IL1RL2: variants seen among roughly 807,000 people sequenced by gnomAD.
The protein encoded by IL1RL2 is interleukin 1 receptor like 2.
IL1RL2 carries 68 observed loss-of-function variants against 66.8 expected under a neutral mutation model. That is an observed-to-expected ratio of 1.02 (90% CI 0.84 to 1.25). IL1RL2 has a LOEUF of 1.25. Among genes scored for constraint, IL1RL2 ranks in the 50% most tolerant of loss-of-function variants. The pLI is 0.00. For synonymous variants in IL1RL2, 305 were observed against 264.6 expected (o/e 1.15, Z -1.48); for missense variants, 729 against 709.3 (o/e 1.03, Z -0.32).
chr2:102,193,825 C>G (rs1314929704), intron 4 of IL1RL2, among the ~76,000 whole-genome samples: 4 of 151,982 alleles, frequency 2.6e-5, no homozygotes, highest in Admixed American at 2.6e-4. Flanking sequence ...TTTCTGGATC[C>G]TCTTCTGAAC....
intron 5 of IL1RL2, among the ~76,000 whole-genome samples, chr2:102,211,872 A>G (rs1689197552): frequency 6.6e-6 from 1 of 152,204 alleles, no homozygotes; most frequent in South Asian, 2.1e-4. Context: ...GGTTTATACC[A>G]AAATATGGCC....
intron 8 of IL1RL2, among the ~76,000 whole-genome samples, chr2:102,221,900 G>A (rs1035676495): frequency 6.6e-5 from 10 of 152,208 alleles, no homozygotes; most frequent in African/African-American, 2.2e-4. Context: ...ATATGGTAAA[G>A]GAACACAGAA....
chr2:102,197,211 C>T (rs1432195027), intron 4 of IL1RL2, among the ~76,000 whole-genome samples: 1 of 152,136 alleles, frequency 6.6e-6, no homozygotes, highest in Non-Finnish European at 1.5e-5. Flanking sequence ...ATGTGATTAT[C>T]TCCTATAGTG....
intron 9 of IL1RL2, among the ~76,000 whole-genome samples, chr2:102,229,296 A>G (rs1032606765): frequency 2.6e-5 from 4 of 152,260 alleles, no homozygotes; most frequent in Non-Finnish European, 4.4e-5. Flanking sequence ...CTGGAAGAAC[A>G]TGTGGGACTG....
rs1276550424 is a variant in IL1RL2, at chr2:102,239,592, A to G, written c.*351A>G. 2 of 256,388 alleles carry G rather than the reference A, an allele frequency of 7.8e-6. No homozygotes were observed. The highest frequency in any genetic ancestry group is 7.5e-5 in the East Asian group (1 of 13,278). The allele number at this position is 256,388 out of a possible 1,614,324, so 15.9% of individuals were successfully genotyped here. A position where few individuals can be genotyped will look rare whatever the true frequency, so the allele number is the denominator to read the frequency against. ...TGAGATCTGGGGGTATCCCTGTGTC[A>G]TGGTGGGTGAGGGCGGGTGGTCATC... On this transcript the variant is annotated 3_prime_UTR_variant, in exon 12 of 12. Transcript: ENST00000264257.
intron 5 of IL1RL2, among the ~76,000 whole-genome samples, chr2:102,202,083 T>C (rs1264463786): frequency 2.6e-5 from 4 of 152,268 alleles, no homozygotes; most frequent in Admixed American, 2.6e-4. Flanking sequence ...GTCGTGAATA[T>C]TCCTGCGGGC....
chr2:102,214,052 T>C (rs1273252875), intron 6 of IL1RL2, among the ~76,000 whole-genome samples: 1 of 152,192 alleles, frequency 6.6e-6, no homozygotes, highest in African/African-American at 2.4e-5. Flanking sequence ...TTCAAGGAAA[T>C]AATAATACCT....
At chr2:102,212,279 A>T in intron 6 of IL1RL2, 105 bp downstream of exon 6, 1 of 796,330 alleles carries the variant, frequency 1.3e-6, no homozygotes, top group Non-Finnish European at 2.1e-6. Flanking sequence ...TAAATCCTAT[A>T]CACACCCAGT....
In IL1RL2 at chr2:102,234,849, G is replaced by A. The variant is rs534276712; in HGVS notation, c.1298-48G>A. The A allele has an allele frequency of 3.9e-6, 6 of 1,522,424 alleles. No homozygotes were observed. In the South Asian group the frequency reaches 5.8e-5, roughly 15 times the overall value. The allele number at this position is 1,522,424 out of a possible 1,614,324, so 94.3% of individuals were successfully genotyped here. A position where few individuals can be genotyped will look rare whatever the true frequency, so the allele number is the denominator to read the frequency against. On this transcript the variant is annotated intron_variant, in intron 10 of 11. Coordinates refer to ENST00000264257, the MANE Select transcript of IL1RL2 (RefSeq NM_003854.4). ...ACATTCTCACTAGCATTAAGACCCG[G>A]GCTGTTTTAATTGTGAGTTCTTCTG...
At chr2:102,190,023 T>C (rs1040264051) in intron 3 of IL1RL2, among the ~76,000 whole-genome samples, 1 of 152,198 alleles carries the variant, frequency 6.6e-6, no homozygotes, top group South Asian at 2.1e-4. Context: ...GAGCCTCCTA[T>C]GAGCGCTTTT....
intron 1 of IL1RL2, chr2:102,187,385 G>A (rs1228010984): frequency 2.4e-5 from 28 of 1,150,078 alleles, no homozygotes; most frequent in East Asian, 1.9e-4. Context: ...GGTGTTTGGG[G>A]TTTCTGTTTA....
intron 8 of IL1RL2, among the ~76,000 whole-genome samples, chr2:102,222,569 C>T (rs1690234739): frequency 6.6e-6 from 1 of 152,216 alleles, no homozygotes; most frequent in Non-Finnish European, 1.5e-5. Flanking sequence ...TTGTCACCTT[C>T]ATCTACCCCA....
At chr2:102,192,462 C>T (rs1687316467) in intron 4 of IL1RL2, among the ~76,000 whole-genome samples, 1 of 152,074 alleles carries the variant, frequency 6.6e-6, no homozygotes, top group Non-Finnish European at 1.5e-5. Flanking sequence ...AAGAGGTCAC[C>T]CCCTGGAAAA....
At chr2:102,190,977 C>A (rs974709523) in intron 3 of IL1RL2, among the ~76,000 whole-genome samples, 2 of 152,094 alleles carry the variant, frequency 1.3e-5, no homozygotes, top group Non-Finnish European at 2.9e-5. Flanking sequence ...TTACTTTTTG[C>A]TTTGAAATAA....
intron 5 of IL1RL2, among the ~76,000 whole-genome samples, chr2:102,203,522 A>G (rs1688448719): frequency 7.3e-6 from 1 of 136,898 alleles, no homozygotes; most frequent in Non-Finnish European, 1.7e-5. Flanking sequence ...CCAGTCCTAG[A>G]CTTTTCTTTA....
chr2:102,242,392 A>G (rs1441952920), downstream of IL1RL2, among the ~76,000 whole-genome samples: 1 of 152,178 alleles, frequency 6.6e-6, no homozygotes, highest in Admixed American at 6.5e-5. Context: ...AAAATTAAGA[A>G]CTGTCTCCCA....
At chr2:102,232,231 C>A (rs35669026) in intron 9 of IL1RL2, among the ~76,000 whole-genome samples, 2,206 of 152,116 alleles carry the variant, frequency 0.015, 53 homozygotes, top group African/African-American at 0.051. Context: ...CCTGCCTCAG[C>A]CTCCTGAGTA....
In IL1RL2 at chr2:102,233,070, A is replaced by G; in HGVS notation, c.1243A>G (p.Arg415Gly). Residue 415 changes from arginine (R) to glycine (G), a missense_variant, in exon 10 of 12, where the codon AGA becomes GGA. Physicochemically the swap from Arg to Gly is moderately radical, Grantham distance 125. Coordinates refer to ENST00000264257, the MANE Select transcript of IL1RL2 (RefSeq NM_003854.4). ...VLNILPEVLERQCGYKLFIFG... is the reference protein window; with the variant it reads ...VLNILPEVLEGQCGYKLFIFG... ...GAATATCCTGCCCGAGGTGTTGGAG[A>G]GACAATGTGGATATAAGTTGTTTAT... The G allele has an allele frequency of 6.2e-7, 1 of 1,613,980 alleles. No homozygotes were observed. The highest frequency in any genetic ancestry group is 8.5e-7 in the Non-Finnish European group (1 of 1,179,922).
rs1688265793 is a variant in IL1RL2, at chr2:102,201,636, A to C, written c.570A>C (p.Arg190Ser). The change falls in exon 5 of 12, where the codon AGA (arginine) becomes AGC (serine). Residue 190 changes from arginine to serine, a missense_variant. Arg to Ser is a moderately radical substitution (Grantham distance 110). Transcript: ENST00000264257. ...TGAGCAATGTCTCGGCAGAGGACAG[A>C]GGGAACTACGCGTGTCAAGCCATAC... Reference protein sequence around the residue: ...LLVSNVSAEDRGNYACQAILT... With the variant: ...LLVSNVSAEDSGNYACQAILT... The C allele has an allele frequency of 6.2e-7, 1 of 1,614,138 alleles. No homozygotes were observed. The highest frequency in any genetic ancestry group is 2.2e-5 in the East Asian group (1 of 44,868).
Sources: gnomAD v4.1 joint callset for allele counts (sites outside exome capture counted in the v4.1 genomes callset) on GRCh38, gnomAD v4.1.1 for gene constraint, MANE v1.5 for transcripts, NCBI Gene and HGNC (gene_info 2026-07-23, HGNC 2026-07-21) for gene names.